PXDNL: variants seen among roughly 807,000 people sequenced by gnomAD.
The protein encoded by PXDNL is probable oxidoreductase PXDNL.
A neutral mutation model predicts 150.8 loss-of-function variants in PXDNL; 145 were observed. The observed-to-expected ratio is 0.96, with a 90% CI of 0.84 to 1.10. The LOEUF is 1.10. PXDNL is among the 50% of genes least tolerant of loss of function. The pLI is 0.00. For missense variants in PXDNL, 2,087 were observed against 1,873.9 expected, an observed-to-expected ratio of 1.11 and a Z score of -2.10; for synonymous variants, 757 against 725.7, an observed-to-expected ratio of 1.04 and a Z score of -0.69.
chr8:51,519,502 C>T (rs1034067683), intron 4 of PXDNL, among the ~76,000 whole-genome samples: 13 of 151,804 alleles, frequency 8.6e-5, no homozygotes, highest in Non-Finnish European at 1.5e-4. Flanking sequence ...CACTGCACTC[C>T]GGCCTGGGCA....
chr8:51,376,811 C>T lies in PXDNL; in HGVS notation c.3558-2080G>A, dbSNP rs1050585986. 5.9e-5 allele frequency among the ~76,000 whole-genome samples: 9 copies of T among 151,870 alleles called. No homozygotes were observed. In the East Asian group the frequency reaches 1.4e-3, roughly 23 times the overall value. ...TCAGTTCACTGCAAGCTCCACCTCC[C>T]GGGTTCACGCCATTCTCCTGCCTCA... On this transcript the variant is annotated intron_variant, in intron 17 of 22. Coordinates refer to ENST00000356297, the MANE Select transcript of PXDNL (RefSeq NM_144651.5).
At chr8:51,644,318 T>TTATATATATATATA (rs1406776100) in intron 2 of PXDNL, among the ~76,000 whole-genome samples, 1,712 of 63,124 alleles carry the variant, frequency 0.027, 538 homozygotes, top group Non-Finnish European at 0.051. Flanking sequence ...AGGCACATTT[T>TTATATATATATATA]TACATATATA....
chr8:51,525,815 G>A (rs527889940), intron 4 of PXDNL, among the ~76,000 whole-genome samples: 1 of 152,248 alleles, frequency 6.6e-6, no homozygotes, highest in Admixed American at 6.5e-5. Flanking sequence ...GGGACAGCTC[G>A]TCACCCAGGA....
chr8:51,499,272 G>C (rs1189454775), intron 5 of PXDNL, among the ~76,000 whole-genome samples: 1 of 152,154 alleles, frequency 6.6e-6, no homozygotes, highest in Non-Finnish European at 1.5e-5. Flanking sequence ...TGGGATTACA[G>C]GAGTGTGCCA....
At chr8:51,538,773 A>AT in intron 4 of PXDNL, among the ~76,000 whole-genome samples, 1 of 152,324 alleles carries the variant, frequency 6.6e-6, no homozygotes, top group African/African-American at 2.4e-5. Context: ...TCTCAAATAA[A>AT]TAAATAAATT....
intron 4 of PXDNL, among the ~76,000 whole-genome samples, chr8:51,537,691 T>C (rs1021130580): frequency 5.3e-5 from 8 of 152,206 alleles, no homozygotes; most frequent in Non-Finnish European, 7.3e-5. Flanking sequence ...ACTTCTCTGT[T>C]TTTAACATGT....
At chr8:51,567,935 T>C (rs1044832268) in intron 3 of PXDNL, among the ~76,000 whole-genome samples, 2 of 151,838 alleles carry the variant, frequency 1.3e-5, no homozygotes, top group African/African-American at 4.8e-5. Flanking sequence ...AAAAAGTCCC[T>C]ATATGTTCAT....
chr8:51,320,086 T>TTAGGATTAGCTGAGG, intron 22 of PXDNL, 64 bp from the exon 23 acceptor site: 1 of 1,241,614 alleles, frequency 8.1e-7, no homozygotes, highest in Non-Finnish European at 1.0e-6. Context: ...AAAAGACAAA[T>TTAGGATTAGCTGAGG]AAATGTTTCT....
chr8:51,711,956 A>C (rs926534821), intron 1 of PXDNL, among the ~76,000 whole-genome samples: 2 of 152,240 alleles, frequency 1.3e-5, no homozygotes, highest in African/African-American at 2.4e-5. Context: ...AAGTATTGCC[A>C]AAGAAGAAGT....
intron 17 of PXDNL, among the ~76,000 whole-genome samples, chr8:51,390,677 G>A (rs921824425): frequency 1.3e-5 from 2 of 151,772 alleles, no homozygotes; most frequent in Non-Finnish European, 1.5e-5. Flanking sequence ...TCTGAGGATC[G>A]CTATTTGTTT....
chr8:51,325,508 G>A (rs1482653512), intron 21 of PXDNL, among the ~76,000 whole-genome samples: 3 of 152,160 alleles, frequency 2.0e-5, no homozygotes, highest in African/African-American at 7.2e-5. Flanking sequence ...AACCCTCCTG[G>A]ATGGGAGGCA....
At chr8:51,402,448 G>T (rs1339943520) in intron 17 of PXDNL, among the ~76,000 whole-genome samples, 1 of 152,018 alleles carries the variant, frequency 6.6e-6, no homozygotes, top group Non-Finnish European at 1.5e-5. Context: ...GAATCTTGGA[G>T]GTGGACGCTG....
intron 5 of PXDNL, among the ~76,000 whole-genome samples, chr8:51,494,170 C>CA (rs1476061217): frequency 6.6e-6 from 1 of 152,024 alleles, no homozygotes; most frequent in African/African-American, 2.4e-5. Flanking sequence ...ATTTCATATC[C>CA]AGCCAAACTA....
At chr8:51,599,761 TAATA>T (rs1813656761) in intron 2 of PXDNL, among the ~76,000 whole-genome samples, 2 of 144,718 alleles carry the variant, frequency 1.4e-5, no homozygotes, top group Admixed American at 1.4e-4. Flanking sequence ...ATCGTTTATA[TAATA>T]AATTATATCT....
chr8:51,770,281 G>C (rs938785167), intron 1 of PXDNL, among the ~76,000 whole-genome samples: 1 of 152,166 alleles, frequency 6.6e-6, no homozygotes, highest in East Asian at 1.9e-4. Context: ...GAATGAGCCT[G>C]GTTTTGTACA....
At chr8:51,419,662 T>C (rs1457005200) in intron 14 of PXDNL, among the ~76,000 whole-genome samples, 4 of 152,244 alleles carry the variant, frequency 2.6e-5, no homozygotes, top group Admixed American at 1.3e-4. Flanking sequence ...AATGAGTCTA[T>C]ACTTCACAGC....
In PXDNL at chr8:51,785,144, G is replaced by A. The variant is rs368864256; in HGVS notation, c.164+24037C>T. 2.1e-3 allele frequency among the ~76,000 whole-genome samples: 318 copies of A among 152,072 alleles called. 2 individuals are homozygous for A. Among genetic ancestry groups the A allele is most frequent in the Non-Finnish European group, 2.6e-3 (178 of 67,990 alleles). ...AGCTGTTTCTAGGATGCACTTGATC[G>A]TGGTCCTTTACACTCTTCTAAAACT... On this transcript the variant is annotated intron_variant, in intron 1 of 22. Coordinates refer to ENST00000356297, the MANE Select transcript of PXDNL (RefSeq NM_144651.5).
At chr8:51,744,949 A>G (rs2036963062) in intron 1 of PXDNL, among the ~76,000 whole-genome samples, 13 of 6,304 alleles carry the variant, frequency 2.1e-3, no homozygotes, top group South Asian at 0.17. Context: ...AGAAAGAAAG[A>G]AAGAAAGAAA....
intron 4 of PXDNL, among the ~76,000 whole-genome samples, chr8:51,517,912 G>A (rs1229998658): frequency 6.6e-6 from 1 of 152,174 alleles, no homozygotes; most frequent in Non-Finnish European, 1.5e-5. Context: ...ATAGTTGGGT[G>A]TAAAATCAAA....
Sources: gnomAD v4.1 joint callset for allele counts (sites outside exome capture counted in the v4.1 genomes callset) on GRCh38, gnomAD v4.1.1 for gene constraint, MANE v1.5 for transcripts, NCBI Gene and HGNC (gene_info 2026-07-23, HGNC 2026-07-21) for gene names.